Variants in CCSER1 observed in about 807,000 individuals in gnomAD.
The protein encoded by CCSER1 is coiled-coil serine rich protein 1, also known as serine-rich coiled-coil domain-containing protein 1.
A neutral mutation model predicts 82.0 loss-of-function variants in CCSER1; 41 were observed. That is an observed-to-expected ratio of 0.50 (90% confidence interval 0.39 to 0.65). The LOEUF is 0.65. Ranked by LOEUF, CCSER1 falls within the 30% of genes least tolerant of loss-of-function variation. The probability of loss-of-function intolerance (pLI) is 0.00; values close to 1 mark genes in which losing one functional copy is unlikely to be tolerated. For missense variants in CCSER1, 1,119 were observed against 1,064.2 expected, an observed-to-expected ratio of 1.05 and a Z score of -0.72; for synonymous variants, 414 against 383.9, an observed-to-expected ratio of 1.08 and a Z score of -0.92.
intron 10 of CCSER1, among the ~76,000 whole-genome samples, chr4:91,570,998 C>G (rs1763149660): frequency 6.6e-6 from 1 of 152,186 alleles, no homozygotes; most frequent in Non-Finnish European, 1.5e-5. Context: ...CAAAGTTCCA[C>G]AGATCTCTAG....
At chr4:90,859,144 C>A (rs1309206805) in intron 8 of CCSER1, among the ~76,000 whole-genome samples, 1 of 151,826 alleles carries the variant, frequency 6.6e-6, no homozygotes, top group African/African-American at 2.4e-5. Context: ...AAACTGATCC[C>A]ATTCTAGTCT....
chr4:90,606,403 A>G (rs953236586), intron 5 of CCSER1, among the ~76,000 whole-genome samples: 4 of 152,238 alleles, frequency 2.6e-5, no homozygotes, highest in Non-Finnish European at 5.9e-5. Flanking sequence ...AGACATAGAA[A>G]AGATAATGCA....
chr4:90,154,998 A>G (rs1430167866), intron 1 of CCSER1, among the ~76,000 whole-genome samples: 9 of 152,276 alleles, frequency 5.9e-5, no homozygotes, highest in Admixed American at 5.2e-4. Context: ...CCCATTCAGT[A>G]TGATATTGGC....
chr4:90,253,883 C>G (rs1722810912), intron 1 of CCSER1, among the ~76,000 whole-genome samples: 1 of 152,106 alleles, frequency 6.6e-6, no homozygotes, highest in African/African-American at 2.4e-5. Flanking sequence ...GTATCATATC[C>G]ATCTGTTAGC....
chr4:91,421,361 C>G (rs1393862411), intron 10 of CCSER1, among the ~76,000 whole-genome samples: 1 of 152,084 alleles, frequency 6.6e-6, no homozygotes, highest in Non-Finnish European at 1.5e-5. Flanking sequence ...TAACTCTCGT[C>G]CAAGGCTGAA....
intron 10 of CCSER1, among the ~76,000 whole-genome samples, chr4:91,297,424 T>TGTGTGTGTGTGTGTG (rs1744301707): frequency 1.5e-5 from 2 of 133,418 alleles, no homozygotes; most frequent in African/African-American, 5.7e-5. Context: ...TGTGTGTGTG[T>TGTGTGTGTGTGTGTG]TAGGGAGACA....
intron 8 of CCSER1, among the ~76,000 whole-genome samples, chr4:90,901,442 C>T (rs987983063): frequency 6.6e-6 from 1 of 151,928 alleles, no homozygotes; most frequent in African/African-American, 2.4e-5. Context: ...CTTTCATTTC[C>T]ATGTTTAGAA....
At chr4:90,696,264 A>G (rs1205548376) in intron 6 of CCSER1, among the ~76,000 whole-genome samples, 1 of 152,128 alleles carries the variant, frequency 6.6e-6, no homozygotes, top group Non-Finnish European at 1.5e-5. Flanking sequence ...AGCTCCTGCC[A>G]TGCAGTTCCA....
At chr4:90,532,486 G>C (rs1038948124) in intron 5 of CCSER1, among the ~76,000 whole-genome samples, 1 of 151,880 alleles carries the variant, frequency 6.6e-6, no homozygotes, top group African/African-American at 2.4e-5. Flanking sequence ...TTTAAAAGTT[G>C]GAGCTTTTTA....
Position 91,507,890 on chromosome 4 carries a change from T to C in CCSER1, c.2218-90682T>C, listed in dbSNP as rs563701938. ...ATTTTTAGCTTATTCATTGCTACTG[T>C]ATAGAGATAAAATTAATTTTGTATA... is the stretch of plus-strand genomic sequence containing the variant. On this transcript the variant is annotated intron_variant, in intron 10 of 10. Transcript: ENST00000509176. Among the ~76,000 whole-genome samples, 770 of 151,586 alleles carry C rather than the reference T, an allele frequency of 5.1e-3. 6 individuals are homozygous for C. The highest frequency in any genetic ancestry group is 0.018 in the African/African-American group (735 of 41,474).
intron 8 of CCSER1, among the ~76,000 whole-genome samples, chr4:90,862,489 GC>G (rs1765226256): frequency 3.3e-5 from 5 of 151,794 alleles, no homozygotes; most frequent in Admixed American, 3.3e-4. Context: ...TTCCTCTCTT[GC>G]CTTATGTGAA....
intron 10 of CCSER1, among the ~76,000 whole-genome samples, chr4:91,243,181 A>T (rs1218983322): frequency 3.9e-5 from 6 of 152,172 alleles, no homozygotes; most frequent in Non-Finnish European, 7.4e-5. Flanking sequence ...AGCTGGGCTT[A>T]GCCAGTGCCC....
At chr4:90,810,241 C>T (rs6849567) in intron 7 of CCSER1, among the ~76,000 whole-genome samples, 51,599 of 151,786 alleles carry the variant, frequency 0.34, 8,954 homozygotes, top group East Asian at 0.42. Flanking sequence ...GGATTACAAG[C>T]GAGAGCCACC....
intron 9 of CCSER1, among the ~76,000 whole-genome samples, chr4:90,934,723 G>A (rs1019716774): frequency 6.6e-6 from 1 of 152,138 alleles, no homozygotes; most frequent in South Asian, 2.1e-4. Context: ...GGTGAGGTTG[G>A]GAGTTCGAGA....
intron 6 of CCSER1, among the ~76,000 whole-genome samples, chr4:90,648,134 A>G (rs1245432869): frequency 2.0e-5 from 3 of 151,976 alleles, no homozygotes; most frequent in East Asian, 1.9e-4. Flanking sequence ...TACCGTAGTT[A>G]TAGAATTCAG....
At chr4:91,485,146 G>A (rs11097318) in intron 10 of CCSER1, among the ~76,000 whole-genome samples, 103,770 of 151,682 alleles carry the variant, frequency 0.68, 35,768 homozygotes, top group East Asian at 0.91. Context: ...ACATTTCTTT[G>A]GTATGAAACA....
intron 10 of CCSER1, among the ~76,000 whole-genome samples, chr4:91,474,767 GTATA>G (rs112175186): frequency 2.2e-5 from 3 of 135,400 alleles, no homozygotes; most frequent in Non-Finnish European, 4.9e-5. Flanking sequence ...ACATGTGTGT[GTATA>G]TATATATATA....
At chr4:90,781,328 A>C in intron 7 of CCSER1, 1 of 984,506 alleles carries the variant, frequency 1.0e-6, no homozygotes, top group African/African-American at 1.7e-5. Context: ...TGATTCATCA[A>C]ATATGAATGT....
chr4:91,388,338 C>A (rs1751434293), intron 10 of CCSER1, among the ~76,000 whole-genome samples: 1 of 151,960 alleles, frequency 6.6e-6, no homozygotes, highest in Non-Finnish European at 1.5e-5. Context: ...ATGGGATAAT[C>A]AAATTATGGA....
Sources: gnomAD v4.1 joint callset for allele counts (sites outside exome capture counted in the v4.1 genomes callset) on GRCh38, gnomAD v4.1.1 for gene constraint, MANE v1.5 for transcripts, NCBI Gene and HGNC (gene_info 2026-07-23, HGNC 2026-07-21) for gene names.